MAST4: variants seen among roughly 807,000 people sequenced by gnomAD.
MAST4 encodes microtubule associated serine/threonine kinase family member 4, also known as microtubule-associated serine/threonine-protein kinase 4.
A neutral mutation model predicts 162.7 loss-of-function variants in MAST4; 89 were observed. The ratio of observed to expected loss-of-function variants is 0.55; its 90% CI spans 0.46 to 0.65. MAST4 has a LOEUF of 0.65. MAST4 is among the 30% of genes least tolerant of loss of function. The pLI is 0.00. For synonymous variants in MAST4, 1,479 were observed against 1,361.1 expected, an observed-to-expected ratio of 1.09 and a Z score of -1.91; for missense variants, 3,153 against 3,374.0, an observed-to-expected ratio of 0.93 and a Z score of 1.62.
At chr5:66,853,861 C>T (rs1056247782) in intron 3 of MAST4, among the ~76,000 whole-genome samples, 1 of 152,136 alleles carries the variant, frequency 6.6e-6, no homozygotes, top group Admixed American at 6.5e-5. Flanking sequence ...TTGCATCAAA[C>T]ATAAAGTGCA....
rs144506335 is a variant in MAST4, at chr5:66,797,803, TAC to T, written c.642+9011_642+9012del. ...GCTTCAAGGCCAAGTGGAAATTGCA[TAC>T]AGTGTGATGGGTGGGGAGTGGTAGA... On this transcript the variant is annotated intron_variant, in intron 3 of 28. Transcript: ENST00000403625. Among the ~76,000 whole-genome samples, 871 of 152,282 alleles carry T rather than the reference TAC, an allele frequency of 5.7e-3. 9 individuals are homozygous for T. The highest frequency in any genetic ancestry group is 0.057 in the South Asian group (274 of 4,822).
intron 4 of MAST4, among the ~76,000 whole-genome samples, chr5:66,944,790 G>C (rs758401230): frequency 6.6e-6 from 1 of 152,264 alleles, no homozygotes; most frequent in East Asian, 1.9e-4. Flanking sequence ...TCTCCTGGCT[G>C]TTGGCAGAAT....
intron 4 of MAST4, chr5:67,005,086 G>A (rs774778340): frequency 5.3e-6 from 4 of 756,810 alleles, no homozygotes; most frequent in Non-Finnish European, 9.8e-6. Flanking sequence ...GAACACAAAG[G>A]TAAAAACGCG....
At chr5:66,826,152 G>A (rs1353315834) in intron 3 of MAST4, among the ~76,000 whole-genome samples, 1 of 151,910 alleles carries the variant, frequency 6.6e-6, no homozygotes, top group East Asian at 1.9e-4. Context: ...TGTCCCAAAT[G>A]TTTTTGCCTC....
chr5:66,599,780 G>A (rs1742434239), intron 1 of MAST4, among the ~76,000 whole-genome samples: 3 of 152,176 alleles, frequency 2.0e-5, no homozygotes, highest in Admixed American at 6.5e-5. Flanking sequence ...TTTGTGACAA[G>A]GCGATGTGAG....
chr5:66,969,874 G>A (rs1747217347), intron 4 of MAST4, among the ~76,000 whole-genome samples: 1 of 152,102 alleles, frequency 6.6e-6, no homozygotes, highest in South Asian at 2.1e-4. Context: ...CTTTCACTTT[G>A]TGGAGAACAT....
At chr5:67,116,188 G>GTTTA (rs1253976313) in intron 12 of MAST4, among the ~76,000 whole-genome samples, 3 of 151,770 alleles carry the variant, frequency 2.0e-5, no homozygotes, top group African/African-American at 7.3e-5. Flanking sequence ...AGTTTTGTTT[G>GTTTA]TTTGTTTGTT....
intron 1 of MAST4, among the ~76,000 whole-genome samples, chr5:66,644,601 A>T (rs866157802): frequency 2.0e-5 from 3 of 152,174 alleles, no homozygotes; most frequent in Non-Finnish European, 4.4e-5. Flanking sequence ...TCCAAAGGAT[A>T]CAAGTAGGAA....
At chr5:66,908,539 T>C (rs1490018960) in intron 4 of MAST4, among the ~76,000 whole-genome samples, 1 of 152,114 alleles carries the variant, frequency 6.6e-6, no homozygotes, top group Non-Finnish European at 1.5e-5. Flanking sequence ...GGGGGGTGTG[T>C]GTAGTGGTGA....
intron 1 of MAST4, among the ~76,000 whole-genome samples, chr5:66,603,685 A>T (rs781032259): frequency 4.6e-5 from 7 of 152,250 alleles, no homozygotes; most frequent in Non-Finnish European, 7.3e-5. Context: ...TCCTTGGAAC[A>T]GTATAAACAT....
chr5:66,641,459 A>G (rs984263807), intron 1 of MAST4, among the ~76,000 whole-genome samples: 14 of 152,186 alleles, frequency 9.2e-5, no homozygotes, highest in East Asian at 1.9e-4. Context: ...ACCTGGTCTC[A>G]TGATGTATTT....
chr5:66,725,181 A>C (rs2149545157), intron 1 of MAST4, among the ~76,000 whole-genome samples: 1 of 152,234 alleles, frequency 6.6e-6, no homozygotes, highest in East Asian at 1.9e-4. Context: ...AAAAAATCAA[A>C]ACATTAATTT....
At chr5:66,959,406 G>A (rs1745726505) in intron 4 of MAST4, 1 of 729,996 alleles carries the variant, frequency 1.4e-6, no homozygotes, top group South Asian at 1.4e-5. Context: ...GCACTGCAGT[G>A]TGAGGTGGAG....
chr5:67,050,956 T>C (rs1246994805), intron 4 of MAST4, among the ~76,000 whole-genome samples: 1 of 152,162 alleles, frequency 6.6e-6, no homozygotes, highest in African/African-American at 2.4e-5. Flanking sequence ...GTCAAAAGAA[T>C]GTATTTGGGG....
At chr5:66,626,868 G>A (rs183339336) in intron 1 of MAST4, among the ~76,000 whole-genome samples, 46 of 152,234 alleles carry the variant, frequency 3.0e-4, no homozygotes, top group Admixed American at 2.9e-3. Flanking sequence ...AGGGATGTTT[G>A]GGGAGTCTGC....
chr5:66,789,988 A>ATTTTTTTTTTTTTTTTTTTTTTT (rs57743987), intron 3 of MAST4, among the ~76,000 whole-genome samples: 3 of 52,472 alleles, frequency 5.7e-5, no homozygotes, highest in Admixed American at 2.5e-4. Context: ...GCTTATTAGA[A>ATTTTTTTTTTTTTTTTTTTTTTT]TTTTTTTTTT....
intron 1 of MAST4, among the ~76,000 whole-genome samples, chr5:66,709,561 C>G (rs1355432526): frequency 6.6e-6 from 1 of 152,128 alleles, no homozygotes; most frequent in Non-Finnish European, 1.5e-5. Flanking sequence ...AAGCAGTCCT[C>G]CCATCTCGGC....
At chr5:66,764,455 A>G (rs143248327) in intron 2 of MAST4, among the ~76,000 whole-genome samples, 15 of 152,266 alleles carry the variant, frequency 9.9e-5, no homozygotes, top group African/African-American at 3.4e-4. Flanking sequence ...GGATGCAGGT[A>G]CAGTCATGTG....
At chr5:66,680,045 A>G (rs905797421) in intron 1 of MAST4, among the ~76,000 whole-genome samples, 6 of 152,186 alleles carry the variant, frequency 3.9e-5, no homozygotes, top group Admixed American at 2.6e-4. Context: ...AGCAGCTTGA[A>G]GAAAAAAGGA....
Sources: allele counts gnomAD v4.1 joint callset (sites outside exome capture counted in the v4.1 genomes callset), GRCh38; gene constraint gnomAD v4.1.1; transcripts MANE v1.5; gene names NCBI Gene and HGNC (gene_info 2026-07-23, HGNC 2026-07-21).